The following GPM6A variants were observed in gnomAD, a reference collection of about 807,000 sequenced individuals.
GPM6A encodes the protein glycoprotein M6A, also known as neuronal membrane glycoprotein M6-a.
A neutral mutation model predicts 32.1 loss-of-function variants in GPM6A; 7 were observed. That is an observed-to-expected ratio of 0.22 (90% confidence interval 0.12 to 0.41). The LOEUF is 0.41. Among genes scored for constraint, GPM6A ranks in the 10% least tolerant of loss-of-function variants. The pLI, the probability that GPM6A is intolerant of heterozygous loss-of-function variation, is 1.00. For missense variants in GPM6A, 235 were observed against 347.2 expected, an observed-to-expected ratio of 0.68 and a Z score of 2.57; for synonymous variants, 130 against 123.4, an observed-to-expected ratio of 1.05 and a Z score of -0.35.
chr4:175,814,674 A>G (rs368996441), upstream of GPM6A, among the ~76,000 whole-genome samples: 2 of 152,190 alleles, frequency 1.3e-5, no homozygotes, highest in African/African-American at 2.4e-5. Context: ...ACTTGTACCA[A>G]TTTTTAAAAT....
intron 1 of GPM6A, among the ~76,000 whole-genome samples, chr4:175,811,426 C>T (rs77561036): frequency 0.01 from 1,565 of 152,182 alleles, 31 homozygotes; most frequent in African/African-American, 0.036. Flanking sequence ...CCATTTGACA[C>T]GTTAAAACAA....
rs577201181 is a variant in GPM6A, at chr4:175,973,033, T to A, written c.-23+29276A>T. 3.3e-5 allele frequency among the ~76,000 whole-genome samples: 5 copies of A among 152,220 alleles called. No homozygotes were observed. In the South Asian group the frequency reaches 1.0e-3, roughly 32 times the overall value. On this transcript the variant is annotated intron_variant, in intron 1 of 7. Coordinates refer to the GPM6A transcript ENST00000280187. ...CAATGCTATGTCAATGAAAACAAAG[T>A]GTGTCCATAACAGTGAACACCCACC...
At chr4:175,972,618 T>TA (rs1357421626) in intron 1 of GPM6A, among the ~76,000 whole-genome samples, 1 of 152,194 alleles carries the variant, frequency 6.6e-6, no homozygotes, top group Admixed American at 6.5e-5. Context: ...GCCTATTATT[T>TA]AAAATTTAGA....
intron 1 of GPM6A, among the ~76,000 whole-genome samples, chr4:175,750,002 T>G (rs923571041): frequency 6.6e-6 from 1 of 152,126 alleles, no homozygotes; most frequent in Non-Finnish European, 1.5e-5. Context: ...TACATAAAGA[T>G]CAGATTCCAC....
intron 2 of GPM6A, among the ~76,000 whole-genome samples, chr4:175,697,340 T>A (rs11937055): frequency 0.23 from 35,069 of 152,056 alleles, 4,421 homozygotes; most frequent in African/African-American, 0.28. Flanking sequence ...TCAAATGACT[T>A]ATGAAGCACA....
At chr4:175,964,216 T>C (rs184911357) in intron 1 of GPM6A, among the ~76,000 whole-genome samples, 1 of 151,854 alleles carries the variant, frequency 6.6e-6, no homozygotes, top group African/African-American at 2.4e-5. Context: ...TAAATGCCAA[T>C]GGTATAAATA....
chr4:175,958,971 T>C (rs1407582769), intron 1 of GPM6A, among the ~76,000 whole-genome samples: 1 of 152,184 alleles, frequency 6.6e-6, no homozygotes, highest in African/African-American at 2.4e-5. Flanking sequence ...AGTGTCTGAA[T>C]ATACAATAAA....
At chr4:175,802,643 T>C (rs1309065787) in intron 1 of GPM6A, among the ~76,000 whole-genome samples, 1 of 152,142 alleles carries the variant, frequency 6.6e-6, no homozygotes, top group East Asian at 1.9e-4. Flanking sequence ...TTTCAAACTG[T>C]TATTTCTTAT....
intron 1 of GPM6A, among the ~76,000 whole-genome samples, chr4:175,993,683 G>A (rs528469133): frequency 1.3e-5 from 2 of 152,294 alleles, no homozygotes; most frequent in South Asian, 4.1e-4. Context: ...TAGGCAAATA[G>A]CTTGATGATA....
At chr4:175,737,114 C>T (rs1731692102) in intron 1 of GPM6A, among the ~76,000 whole-genome samples, 2 of 152,192 alleles carry the variant, frequency 1.3e-5, no homozygotes, top group Non-Finnish European at 2.9e-5. Context: ...TGGGCACCCA[C>T]CATTTACAGA....
chr4:175,815,312 G>C (rs1480198494), upstream of GPM6A, among the ~76,000 whole-genome samples: 1 of 152,172 alleles, frequency 6.6e-6, no homozygotes, highest in Non-Finnish European at 1.5e-5. Flanking sequence ...ACCAAGCCCA[G>C]CCAAGTTGTT....
At chr4:175,723,108 A>G (rs190363537) in intron 1 of GPM6A, among the ~76,000 whole-genome samples, 48 of 152,320 alleles carry the variant, frequency 3.2e-4, no homozygotes, top group African/African-American at 1.0e-3. Flanking sequence ...GATTCTAAAT[A>G]TGGCCTACAC....
At chr4:175,708,151 C>G (rs1350982601) in intron 1 of GPM6A, among the ~76,000 whole-genome samples, 2 of 151,878 alleles carry the variant, frequency 1.3e-5, no homozygotes, top group African/African-American at 4.8e-5. Context: ...GAGGTGCAAG[C>G]AAGATTATAA....
chr4:175,839,034 G>T (rs1021379861), intron 1 of GPM6A, among the ~76,000 whole-genome samples: 5 of 152,120 alleles, frequency 3.3e-5, no homozygotes, highest in Admixed American at 2.6e-4. Context: ...TATTTGAGGA[G>T]ATATTCTCTG....
chr4:175,758,231 T>C (rs1271448687), intron 1 of GPM6A, among the ~76,000 whole-genome samples: 4 of 152,070 alleles, frequency 2.6e-5, no homozygotes, highest in Non-Finnish European at 5.9e-5. Context: ...AACACAGGGC[T>C]GGGACAAAAA....
chr4:175,999,322 T>C (rs948558833), intron 1 of GPM6A, among the ~76,000 whole-genome samples: 27 of 152,210 alleles, frequency 1.8e-4, no homozygotes, highest in African/African-American at 2.4e-5. Flanking sequence ...ATCTTAAAGT[T>C]AAAATGTAAA....
At chr4:175,660,487 GA>G (rs1462210900) in intron 3 of GPM6A, among the ~76,000 whole-genome samples, 1 of 151,954 alleles carries the variant, frequency 6.6e-6, no homozygotes, top group African/African-American at 2.4e-5. Flanking sequence ...TATATTATGT[GA>G]AAAAATAGAA....
chr4:175,709,470 C>T (rs1745407092), intron 1 of GPM6A, among the ~76,000 whole-genome samples: 1 of 152,040 alleles, frequency 6.6e-6, no homozygotes, highest in African/African-American at 2.4e-5. Context: ...TGGCTCAAGC[C>T]TGTAATCCCA....
chr4:175,710,397 T>C (rs1745461974), intron 1 of GPM6A, among the ~76,000 whole-genome samples: 1 of 152,140 alleles, frequency 6.6e-6, no homozygotes, highest in Admixed American at 6.5e-5. Flanking sequence ...TTCATTCTTG[T>C]TCAGTTTTAA....
Sources: gnomAD v4.1 joint callset for allele counts (sites outside exome capture counted in the v4.1 genomes callset) on GRCh38, gnomAD v4.1.1 for gene constraint, MANE v1.5 for transcripts, NCBI Gene and HGNC (gene_info 2026-07-23, HGNC 2026-07-21) for gene names.